The following PLGRKT variants were observed in gnomAD, a reference collection of about 807,000 sequenced individuals.
PLGRKT encodes the protein plasminogen receptor with a C-terminal lysine.
In PLGRKT, 22 loss-of-function variants were observed where a neutral mutation model predicts 18.5. That is an observed-to-expected ratio of 1.19 (90% CI 0.85 to 1.70). The LOEUF (loss-of-function observed/expected upper bound fraction) is 1.70. Among genes scored for constraint, PLGRKT ranks in the 40% most tolerant of loss-of-function variants. The pLI, the probability that PLGRKT is intolerant of heterozygous loss-of-function variation, is 0.00. For missense variants in PLGRKT, 235 were observed against 174.4 expected, an observed-to-expected ratio of 1.35 and a Z score of -1.96; for synonymous variants, 72 against 52.8, an observed-to-expected ratio of 1.36 and a Z score of -1.58.
rs144269686 is a variant in PLGRKT, at chr9:5,434,712, G to A, written c.-7+1857C>T. ...AAGTGAGGTGTGCCTCTGCCTGGCCGCTCCGTCTGGGAAGTGAGGAGCGCC... is the reference window on the plus strand; with the variant it reads ...AAGTGAGGTGTGCCTCTGCCTGGCCACTCCGTCTGGGAAGTGAGGAGCGCC... On this transcript the variant is annotated intron_variant, in intron 2 of 5. Coordinates refer to ENST00000223864, the MANE Select transcript of PLGRKT (RefSeq NM_018465.4). Among the ~76,000 whole-genome samples, 252 of 143,616 alleles carry A rather than the reference G, an allele frequency of 1.8e-3. 7 individuals are homozygous for A. In the East Asian group the frequency reaches 0.046, roughly 26 times the overall value. The allele number at this position is 143,616 out of a possible 152,430, so 94.2% of individuals were successfully genotyped here.
chr9:5,433,233 G>A (rs62437390), intron 2 of PLGRKT, among the ~76,000 whole-genome samples: 16 of 147,550 alleles, frequency 1.1e-4, no homozygotes, highest in Admixed American at 4.7e-4. Context: ...GCCGCCCATC[G>A]TCTGGGATGT....
chr9:5,358,676 G>A (rs1817192893), intron 5 of PLGRKT, among the ~76,000 whole-genome samples: 1 of 152,172 alleles, frequency 6.6e-6, no homozygotes, highest in African/African-American at 2.4e-5. Context: ...AGGGATTTGG[G>A]TAGAGAAACC....
At chr9:5,407,421 A>C (rs1450086094) in intron 3 of PLGRKT, among the ~76,000 whole-genome samples, 1 of 152,192 alleles carries the variant, frequency 6.6e-6, no homozygotes, top group African/African-American at 2.4e-5. Flanking sequence ...GCACTATGTG[A>C]TATAATTTGA....
At chr9:5,428,398 C>G (rs981014539) in intron 3 of PLGRKT, among the ~76,000 whole-genome samples, 1 of 152,152 alleles carries the variant, frequency 6.6e-6, no homozygotes, top group African/African-American at 2.4e-5. Context: ...GTGCCAAAGT[C>G]TACTTGGTCT....
chr9:5,414,883 T>C (rs76608093), intron 3 of PLGRKT, among the ~76,000 whole-genome samples: 3,207 of 152,336 alleles, frequency 0.021, 60 homozygotes, highest in South Asian at 0.03. Flanking sequence ...GGATTGGAAA[T>C]AGAAGTGTCA....
intron 5 of PLGRKT, among the ~76,000 whole-genome samples, chr9:5,358,637 A>G (rs1817191948): frequency 6.6e-6 from 1 of 152,212 alleles, no homozygotes; most frequent in East Asian, 1.9e-4. Flanking sequence ...CCTTGAACCA[A>G]AGTCAGGATT....
At chr9:5,395,440 T>G (rs573145904) in intron 3 of PLGRKT, among the ~76,000 whole-genome samples, 10 of 152,090 alleles carry the variant, frequency 6.6e-5, no homozygotes, top group Non-Finnish European at 1.5e-4. Flanking sequence ...GTCACTGAAA[T>G]CCTGGACAGT....
intron 3 of PLGRKT, among the ~76,000 whole-genome samples, chr9:5,368,562 T>C (rs1021214659): frequency 4.6e-5 from 7 of 151,958 alleles, no homozygotes; most frequent in Non-Finnish European, 7.4e-5. Context: ...ATGGCAACAA[T>C]AGACACCAAG....
intron 3 of PLGRKT, among the ~76,000 whole-genome samples, chr9:5,385,042 G>A (rs1222943604): frequency 6.6e-6 from 1 of 152,176 alleles, no homozygotes; most frequent in Non-Finnish European, 1.5e-5. Flanking sequence ...AGATGGAGGT[G>A]GGTGGGGCCA....
intron 3 of PLGRKT, among the ~76,000 whole-genome samples, chr9:5,408,392 C>G (rs767709461): frequency 6.6e-6 from 1 of 152,192 alleles, no homozygotes; most frequent in Non-Finnish European, 1.5e-5. Flanking sequence ...CTGCACTGTG[C>G]CCCTGCCAAG....
At chr9:5,362,571 G>A (rs1817291278) in intron 3 of PLGRKT, among the ~76,000 whole-genome samples, 1 of 152,162 alleles carries the variant, frequency 6.6e-6, no homozygotes. Context: ...TTATATTCTT[G>A]ACAGAGAAAA....
intron 4 of PLGRKT, 71 bp from the exon 5 acceptor site, chr9:5,361,258 A>C (rs561091168): frequency 1.3e-6 from 1 of 754,632 alleles, no homozygotes; most frequent in Non-Finnish European, 2.2e-6. Flanking sequence ...ATACTTAAAG[A>C]AAAAAAAATA....
rs765141714 is a variant in PLGRKT at position 5,358,030 on chromosome 9, G to C, written c.*209C>G. ...CTTAGATATTGGTAATGCACACAGA[G>C]AGAGGAAATCTAAAAGTTATTTAGA... On this transcript the variant is annotated 3_prime_UTR_variant, in exon 6 of 6. Coordinates refer to ENST00000223864, the MANE Select transcript of PLGRKT (RefSeq NM_018465.4). 2.5e-4 allele frequency: 104 copies of C among 417,424 alleles called. No individual in the cohort carries two copies. The highest frequency in any genetic ancestry group is 1.6e-3 in the Admixed American group (41 of 25,838). The allele number at this position is 417,424 out of a possible 1,614,324, so 25.9% of individuals were successfully genotyped here.
intron 2 of PLGRKT, among the ~76,000 whole-genome samples, chr9:5,436,074 G>A (rs531074486): frequency 1.3e-5 from 2 of 152,328 alleles, no homozygotes; most frequent in Admixed American, 6.5e-5. Context: ...CTCCCCTTCT[G>A]CCACTGTGCC....
chr9:5,405,703 G>T (rs1818242451), intron 3 of PLGRKT, among the ~76,000 whole-genome samples: 1 of 152,188 alleles, frequency 6.6e-6, no homozygotes, highest in Non-Finnish European at 1.5e-5. Flanking sequence ...CATAGGCAAA[G>T]ATTTTATGAT....
chr9:5,436,945 T>C (rs1818972107), intron 1 of PLGRKT, among the ~76,000 whole-genome samples: 1 of 152,160 alleles, frequency 6.6e-6, no homozygotes, highest in South Asian at 2.1e-4. Flanking sequence ...TTAAGTCTTT[T>C]AAAAATTCTA....
At position 5,382,122 on chromosome 9, in the gene PLGRKT, A is replaced by T. The variant is rs916185369; in HGVS notation, c.82-20234T>A. 4.9e-5 allele frequency: 28 copies of T among 571,572 alleles called. No individual in the cohort carries two copies. In the East Asian group the frequency reaches 1.6e-3, roughly 32 times the overall value. 35.4% of individuals were successfully genotyped at this position (571,572 alleles called of 1,614,324 possible). A position where few individuals can be genotyped will look rare whatever the true frequency, so the allele number is the denominator to read the frequency against. On this transcript the variant is annotated intron_variant, in intron 3 of 5. Coordinates refer to ENST00000223864, the MANE Select transcript of PLGRKT (RefSeq NM_018465.4). ...TCCTATAATAAATCGTTGGAAAATA[A>T]ACTATTCATGATGACTCTCTATTCA...
At chr9:5,438,193 A>G (rs781677402), upstream of PLGRKT, among the ~76,000 whole-genome samples, 1 of 152,240 alleles carries the variant, frequency 6.6e-6, no homozygotes, top group Non-Finnish European at 1.5e-5. Context: ...ACGAGAAAGA[A>G]GAGAATTGAC....
chr9:5,365,381 C>T (rs1817362881), intron 3 of PLGRKT, among the ~76,000 whole-genome samples: 1 of 152,136 alleles, frequency 6.6e-6, no homozygotes, highest in African/African-American at 2.4e-5. Flanking sequence ...AATAAATATC[C>T]ATAAGCCTAT....
Sources: gnomAD v4.1 joint callset for allele counts (sites outside exome capture counted in the v4.1 genomes callset) on GRCh38, gnomAD v4.1.1 for gene constraint, MANE v1.5 for transcripts, NCBI Gene and HGNC (gene_info 2026-07-23, HGNC 2026-07-21) for gene names.